The following NXN variants were observed in gnomAD, a reference collection of about 807,000 sequenced individuals.
NXN encodes the protein nucleoredoxin.
A neutral mutation model predicts 48.6 loss-of-function variants in NXN; 16 were observed. That is an observed-to-expected ratio of 0.33 (90% CI 0.22 to 0.50). The LOEUF (loss-of-function observed/expected upper bound fraction) is 0.50, where lower values mean the gene tolerates loss of function less well. Ranked by LOEUF, NXN falls within the 20% of genes least tolerant of loss-of-function variation. The pLI, the probability that NXN is intolerant of heterozygous loss-of-function variation, is 0.98. For synonymous variants in NXN, 281 were observed against 269.6 expected (o/e 1.04, Z -0.41); for missense variants, 492 against 605.5 (o/e 0.81, Z 1.97).
At chr17:891,037 G>GTCTA (rs999387437) in intron 1 of NXN, among the ~76,000 whole-genome samples, 4 of 79,118 alleles carry the variant, frequency 5.1e-5, no homozygotes, top group East Asian at 3.4e-4. Flanking sequence ...CTGTCTGTCT[G>GTCTA]TCTATCTATC....
rs181963813 is a variant in NXN at position 858,490 on chromosome 17, G to A, written c.361-32412C>T. Among the ~76,000 whole-genome samples the A allele has an allele frequency of 3.9e-5, 6 of 152,050 alleles. No individual in the cohort carries two copies. The East Asian group carries it at 9.8e-4, about 25-fold the overall frequency. On this transcript the variant is annotated intron_variant, in intron 1 of 7. Transcript: ENST00000336868. ...CGCCTGTAATCTCAGCACTTTGGGA[G>A]GCTGAGGCTGGTAGATCACGAGGTC...
intron 1 of NXN, among the ~76,000 whole-genome samples, chr17:859,034 A>G (rs1015351158): frequency 1.3e-5 from 2 of 152,224 alleles, no homozygotes; most frequent in South Asian, 4.1e-4. Context: ...AACATGATTT[A>G]CTATTGGAAG....
chr17:845,494 C>T (rs2067850554), intron 1 of NXN, among the ~76,000 whole-genome samples: 1 of 152,232 alleles, frequency 6.6e-6, no homozygotes, highest in Non-Finnish European at 1.5e-5. Flanking sequence ...ATCCTACCAT[C>T]ATCACCCTTA....
chr17:947,884 A>C lies in NXN; in HGVS notation c.360+31435T>G, dbSNP rs1269618643. ...TGAAACTCCGTCTCTACTGAAATAC[A>C]AAAAAAAAAAAAAAAAATTAGCTGG... On this transcript the variant is annotated intron_variant, in intron 1 of 7. Coordinates refer to ENST00000336868, the MANE Select transcript of NXN (RefSeq NM_022463.5). 1.7e-4 allele frequency among the ~76,000 whole-genome samples: 5 copies of C among 29,040 alleles called. No individual in the cohort carries two copies. The East Asian group carries it at 2.6e-3, about 15-fold the overall frequency. 19.1% of individuals were successfully genotyped at this position (29,040 alleles called of 152,430 possible).
rs1015025415 is a variant in NXN, at chr17:863,903, G to A, written c.361-37825C>T. 4 of 1,407,672 alleles carry A rather than the reference G, an allele frequency of 2.8e-6. No homozygotes were observed. In the African/African-American group the frequency reaches 5.7e-5, roughly 20 times the overall value. The allele number at this position is 1,407,672 out of a possible 1,614,324, so 87.2% of individuals were successfully genotyped here. ...ACTGCTTACACAGAGCTCTGTAGAG[G>A]TTTATGTCAGGCTCATACAGTGTGT... On this transcript the variant is annotated intron_variant, in intron 1 of 7. Coordinates refer to ENST00000336868, the MANE Select transcript of NXN (RefSeq NM_022463.5).
chr17:920,040 T>C lies in NXN; in HGVS notation c.360+59279A>G, dbSNP rs1330492397. Among the ~76,000 whole-genome samples the C allele has an allele frequency of 6.6e-6, 1 of 151,956 alleles. No homozygotes were observed. The highest frequency in any genetic ancestry group is 1.5e-5 in the Non-Finnish European group (1 of 67,986). The stretch of plus-strand genomic sequence containing the variant: ...CCATGTGAGGACCTCCGCCTCCAAC[T>C]CTCTTCGAGCCACCACGCGGTGCAA... On this transcript the variant is annotated intron_variant, in intron 1 of 7. Coordinates refer to ENST00000336868, the MANE Select transcript of NXN (RefSeq NM_022463.5). This position sits in a 1 kb window ranked among gnomAD's most constrained non-coding sequence, Gnocchi z 4.6.
At chr17:914,999 A>G (rs2068672617) in intron 1 of NXN, among the ~76,000 whole-genome samples, 1 of 151,684 alleles carries the variant, frequency 6.6e-6, no homozygotes, top group African/African-American at 2.4e-5. Context: ...CAGTGGTGCG[A>G]TCTCGGCTCA....
chr17:867,901 A>C (rs928379932), intron 1 of NXN, among the ~76,000 whole-genome samples: 1 of 152,086 alleles, frequency 6.6e-6, no homozygotes, highest in African/African-American at 2.4e-5. Flanking sequence ...AACTCAAAAA[A>C]AAAAAAAAGT....
rs111388535 is a variant in NXN, at chr17:868,363, C to T, written c.361-42285G>A. Among the ~76,000 whole-genome samples the T allele has an allele frequency of 5.0e-3, 758 of 152,362 alleles. 7 individuals carry two copies. The highest frequency in any genetic ancestry group is 0.018 in the African/African-American group (731 of 41,586). ...GGAAACTCCCTGACCGTATCTCCCT[C>T]GAACTCTCATCCAGCCAGCAGGGTG... On this transcript the variant is annotated intron_variant, in intron 1 of 7. Transcript: ENST00000336868.
At chr17:940,843 T>G (rs573695100) in intron 1 of NXN, among the ~76,000 whole-genome samples, 2 of 150,636 alleles carry the variant, frequency 1.3e-5, no homozygotes, top group Admixed American at 1.3e-4. Flanking sequence ...TTCCTGGATT[T>G]ACAGTGAACA....
At chr17:896,846 C>T (rs1168122274) in intron 1 of NXN, 11 of 1,179,906 alleles carry the variant, frequency 9.3e-6, no homozygotes, top group Admixed American at 3.1e-5. Flanking sequence ...ATGGACCACG[C>T]GGTCCTGACC....
chr17:842,958 A>AAGAAAGAGAGAAAGAGAGAAAGAG (rs1263592986), intron 1 of NXN, among the ~76,000 whole-genome samples: 1 of 136,388 alleles, frequency 7.3e-6, no homozygotes, highest in Non-Finnish European at 1.6e-5. Context: ...AAAGGAAAGA[A>AAGAAAGAGAGAAAGAGAGAAAGAG]AGAAAGAGAG....
intron 1 of NXN, among the ~76,000 whole-genome samples, chr17:832,964 C>A (rs548335020): frequency 6.6e-6 from 1 of 152,260 alleles, no homozygotes; most frequent in African/African-American, 2.4e-5. Context: ...GATCTCAGTT[C>A]ACTGCAAGCT....
At chr17:943,699 G>A (rs2069008222) in intron 1 of NXN, among the ~76,000 whole-genome samples, 2 of 144,810 alleles carry the variant, frequency 1.4e-5, no homozygotes, top group African/African-American at 2.5e-5. Context: ...ATGCACGCCT[G>A]TAATCCCAGC....
chr17:803,946 TG>T, intron 6 of NXN, 140 bp from the exon 7 acceptor site: 1 of 1,054,366 alleles, frequency 9.5e-7, no homozygotes, highest in Non-Finnish European at 1.4e-6. Context: ...TCCCCTTGGA[TG>T]CAGGTCTTGC....
intron 1 of NXN, among the ~76,000 whole-genome samples, chr17:923,272 G>T (rs532866362): frequency 6.6e-6 from 1 of 151,986 alleles, no homozygotes. Context: ...CATCCACCTG[G>T]GTGCCACTCC....
chr17:883,688 A>G (rs2068310392), intron 1 of NXN, among the ~76,000 whole-genome samples: 1 of 152,260 alleles, frequency 6.6e-6, no homozygotes, highest in Non-Finnish European at 1.5e-5. Flanking sequence ...TCACGGTCCC[A>G]TCATATACAG....
At chr17:955,823 A>T (rs1318025119) in intron 1 of NXN, among the ~76,000 whole-genome samples, 1 of 151,610 alleles carries the variant, frequency 6.6e-6, no homozygotes, top group Non-Finnish European at 1.5e-5. Flanking sequence ...AATGGCGTGA[A>T]CCCGGGAGGC....
At chr17:834,803 G>A (rs554342524) in intron 1 of NXN, among the ~76,000 whole-genome samples, 445 of 151,964 alleles carry the variant, frequency 2.9e-3, no homozygotes, top group Non-Finnish European at 4.6e-3. Flanking sequence ...TTACATGTGT[G>A]AGCCACTGTG....
Sources: gnomAD v4.1 joint callset for allele counts (sites outside exome capture counted in the v4.1 genomes callset) on GRCh38, gnomAD v4.1.1 for gene constraint, Gnocchi (gnomAD v3.1) non-coding constraint, MANE v1.5 for transcripts, NCBI Gene and HGNC (gene_info 2026-07-23, HGNC 2026-07-21) for gene names.